The following BRS3 variants were observed in gnomAD, a reference collection of about 807,000 sequenced individuals.
BRS3 encodes the protein bombesin receptor subtype-3.
Under a neutral mutation model 18.8 loss-of-function variants are expected in BRS3, and 5 were observed. That is an observed-to-expected ratio of 0.27 (90% CI 0.14 to 0.56). The LOEUF is 0.56. Among genes scored for constraint, BRS3 ranks in the 20% least tolerant of loss-of-function variants. The pLI, the probability that BRS3 is intolerant of heterozygous loss-of-function variation, is 0.93. For missense variants in BRS3, 215 were observed against 296.3 expected (o/e 0.73, Z 2.01); for synonymous variants, 121 against 115.0 (o/e 1.05, Z -0.33).
rs1031740646 is a variant in BRS3, at chrX:136,492,272, C to A, written c.1097C>A (p.Ala366Asp). ...GCTGACACCTCTCTTACCACCCTGG[C>A]TGTGATGGGAACGGTCCCGGGCACT... ...PVADTSLTTL[A>D]VMGTVPGTGS... The change falls in exon 3 of 3, where the codon GCT becomes GAT. Residue 366 changes from alanine to aspartate, a missense_variant. Around this residue, in one of 3 missense-constraint regions of BRS3, gnomAD observed 45 missense variants for 45.5 expected, o/e 0.99. Coordinates refer to ENST00000370648, the MANE Select transcript of BRS3 (RefSeq NM_001727.2). 1.7e-6 allele frequency: 2 copies of A among 1,211,686 alleles called. No individual in the cohort carries two copies. Among genetic ancestry groups the A allele is most frequent in the Non-Finnish European group, 2.2e-6 (2 of 895,505 alleles).
chrX:136,493,526 T>C lies in BRS3; in HGVS notation c.*1151T>C, dbSNP rs994694515. The C allele has an allele frequency of 3.6e-5, 4 of 111,989 alleles. No individual in the cohort carries two copies. The highest frequency in any genetic ancestry group is 9.7e-5 in the African/African-American group (3 of 30,799). 9.2% of individuals were successfully genotyped at this position (111,989 alleles called of 1,213,427 possible). On this transcript the variant is annotated 3_prime_UTR_variant, in exon 3 of 3. Transcript: ENST00000370648. ...ACATGTTTGGCACTATAGGTAAATT[T>C]GTATTTAAAAAAAAAAACAATGTTT...
chrX:136,492,455 T>G lies in BRS3; in HGVS notation c.*80T>G, dbSNP rs2075674187. On this transcript the variant is annotated 3_prime_UTR_variant, in exon 3 of 3. Transcript: ENST00000370648. Reference sequence around the variant, plus strand: ...TGTGTGCAGGTGTATGGTGTCCAGATTTTTGTTGTTTGAAAAGTGTGTTGA... The same window carrying G: ...TGTGTGCAGGTGTATGGTGTCCAGAGTTTTGTTGTTTGAAAAGTGTGTTGA... 1 of 1,022,710 alleles carries G rather than the reference T, an allele frequency of 9.8e-7. No individual in the cohort carries two copies. The highest frequency in any genetic ancestry group is 1.9e-5 in the African/African-American group (1 of 52,662). 84.3% of individuals were successfully genotyped at this position (1,022,710 alleles called of 1,213,427 possible). A position where few individuals can be genotyped will look rare whatever the true frequency, so the allele number is the denominator to read the frequency against.
rs754593042 is a variant in BRS3, at chrX:136,491,913, G to GTTT, written c.787-25_787-23dup. On this transcript the variant is annotated intron_variant, in intron 2 of 2. Transcript: ENST00000370648. ...TTTTTTTGTTGTTGTTGTTTTTTGT[G>GTTT]TTTTTTTTTTTTTTTTTTTTTTTTT... The GTTT allele has an allele frequency of 1.7e-3, 760 of 436,394 alleles. 67 individuals carry two copies. The highest frequency in any genetic ancestry group is 4.5e-3 in the African/African-American group (55 of 12,343). The allele number at this position is 436,394 out of a possible 1,213,427, so 36.0% of individuals were successfully genotyped here.
In BRS3 at chrX:136,491,913, G is replaced by GTGTTTTTTTTTTTTTT. The variant is rs773324636; in HGVS notation, c.787-48_787-47insGTTTTTTTTTTTTTTT. Reference sequence around the variant, plus strand: ...TTTTTTTGTTGTTGTTGTTTTTTGTGTTTTTTTTTTTTTTTTTTTTTTTTT... The same window carrying GTGTTTTTTTTTTTTTT: ...TTTTTTTGTTGTTGTTGTTTTTTGTGTGTTTTTTTTTTTTTTTTTTTTTTTTTTTTTTTTTTTTTTT... On this transcript the variant is annotated intron_variant, in intron 2 of 2. Transcript: ENST00000370648. The GTGTTTTTTTTTTTTTT allele has an allele frequency of 1.1e-5, 5 of 436,962 alleles. No homozygotes were observed. In the African/African-American group the frequency reaches 2.4e-4, roughly 21 times the overall value. 36.0% of individuals were successfully genotyped at this position (436,962 alleles called of 1,213,427 possible).
Position 136,490,005 on chromosome X carries a change from A to G in BRS3, c.435-128A>G, listed in dbSNP as rs941395037. ...AAACCATAGCCAATTCTAGTTGGTT[A>G]ATGTTGACTTGGTTATACACATATG... On this transcript the variant is annotated intron_variant, in intron 1 of 2. Coordinates refer to ENST00000370648, the MANE Select transcript of BRS3 (RefSeq NM_001727.2). The G allele has an allele frequency of 3.8e-5, 17 of 447,528 alleles. No homozygotes were observed. In the African/African-American group the frequency reaches 3.9e-4, roughly 10 times the overall value. The allele number at this position is 447,528 out of a possible 1,213,427, so 36.9% of individuals were successfully genotyped here.
At chrX:136,491,902 TTGTTTTTTG>T (rs1569351025) in intron 2 of BRS3, 51 bp from the exon 3 acceptor site, 1 of 872,506 alleles carries the variant, frequency 1.1e-6, no homozygotes, top group African/African-American at 2.4e-5. Flanking sequence ...TTTGTTGTTG[TTGTTTTTTG>T]TGTTTTTTTT....
Position 136,488,107 on chromosome X carries a change from C to T in BRS3, c.-8C>T, listed in dbSNP as rs1261613560. On this transcript the variant is annotated 5_prime_UTR_variant, in exon 1 of 3. Coordinates refer to ENST00000370648, the MANE Select transcript of BRS3 (RefSeq NM_001727.2). ...GAAGAAATATTAAAGACACAGTCTT[C>T]AGAAGAAATGGCTCAAAGGCAGCCT... The T allele has an allele frequency of 3.4e-6, 4 of 1,183,398 alleles. No individual in the cohort carries two copies. Among genetic ancestry groups the T allele is most frequent in the Non-Finnish European group, 4.5e-6 (4 of 881,831 alleles).
chrX:136,491,818 A>T, intron 2 of BRS3, 144 bp from the exon 3 acceptor site: 1 of 669,557 alleles, frequency 1.5e-6, no homozygotes, highest in Non-Finnish European at 2.1e-6. Context: ...AATCAGCTGT[A>T]ATTAACTGTA....
chrX:136,489,361 G>A (rs917327367), intron 1 of BRS3, among the ~76,000 whole-genome samples: 1 of 111,877 alleles, frequency 8.9e-6, no homozygotes, highest in Non-Finnish European at 1.9e-5. Context: ...GTAAGTAATC[G>A]ATGTTTGGCA....
At chrX:136,490,896 G>A (rs963813479) in intron 2 of BRS3, among the ~76,000 whole-genome samples, 1 of 112,248 alleles carries the variant, frequency 8.9e-6, no homozygotes, top group Non-Finnish European at 1.9e-5. Flanking sequence ...AGCATCTTTT[G>A]TTTTAGAAAG....
intron 1 of BRS3, among the ~76,000 whole-genome samples, chrX:136,489,298 A>G (rs1047214972): frequency 8.9e-6 from 1 of 111,771 alleles, no homozygotes; most frequent in African/African-American, 3.3e-5. Context: ...ACATGAAAAA[A>G]TTTGAGGCTC....
At position 136,488,007 on chromosome X, in the gene BRS3, T is replaced by C. The variant is rs183662695; in HGVS notation, c.-108T>C. On this transcript the variant is annotated 5_prime_UTR_variant, in exon 1 of 3. Transcript: ENST00000370648. ...TGGATTTTCTTCCCATTCTGTTCTG[T>C]TCTGTTCTCCTAATACCATCTCGTT... 2.8e-5 allele frequency: 21 copies of C among 760,066 alleles called. No homozygotes were observed. The highest frequency in any genetic ancestry group is 7.3e-5 in the Admixed American group (2 of 27,523). The allele number at this position is 760,066 out of a possible 1,213,427, so 62.6% of individuals were successfully genotyped here. A position where few individuals can be genotyped will look rare whatever the true frequency, so the allele number is the denominator to read the frequency against.
intron 2 of BRS3, among the ~76,000 whole-genome samples, chrX:136,490,956 C>T (rs775782689): frequency 1.8e-5 from 2 of 111,623 alleles, no homozygotes; most frequent in African/African-American, 6.5e-5. Flanking sequence ...GAATCCGTAA[C>T]ACTATTCAAT....
At chrX:136,488,763 C>A (rs761204082) in intron 1 of BRS3, among the ~76,000 whole-genome samples, 3 of 112,183 alleles carry the variant, frequency 2.7e-5, no homozygotes, top group Non-Finnish European at 3.8e-5. Flanking sequence ...AAATTGCATG[C>A]TTTATGGATA....
chrX:136,492,449 T>C lies in BRS3; in HGVS notation c.*74T>C. The stretch of plus-strand genomic sequence containing the variant: ...CTAAGCTGTGTGCAGGTGTATGGTG[T>C]CCAGATTTTTGTTGTTTGAAAAGTG... On this transcript the variant is annotated 3_prime_UTR_variant, in exon 3 of 3. Transcript: ENST00000370648. 2.9e-6 allele frequency: 3 copies of C among 1,049,017 alleles called. No homozygotes were observed. The highest frequency in any genetic ancestry group is 3.8e-6 in the Non-Finnish European group (3 of 794,152). The allele number at this position is 1,049,017 out of a possible 1,213,427, so 86.5% of individuals were successfully genotyped here.
chrX:136,492,036 T>C lies in BRS3; in HGVS notation c.861T>C (p.Asn287=). The change falls in exon 3 of 3, where the codon AAT becomes AAC. Residue 287 remains asparagine (N), a synonymous_variant. Coordinates refer to ENST00000370648, the MANE Select transcript of BRS3 (RefSeq NM_001727.2). The stretch of plus-strand genomic sequence containing the variant: ...TGTTTGCCCTCTGCTGGTTGCCAAA[T>C]CACCTCCTGTACCTCTACCATTCAT... ...VALFALCWLP[N]HLLYLYHSFT... is the part of the protein sequence containing the mutation. The C allele has an allele frequency of 8.6e-7, 1 of 1,161,218 alleles. No individual in the cohort carries two copies. Among genetic ancestry groups the C allele is most frequent in the Non-Finnish European group, 1.2e-6 (1 of 864,790 alleles).
At chrX:136,489,984 C>A in intron 1 of BRS3, 149 bp from the exon 2 acceptor site, 1 of 404,172 alleles carries the variant, frequency 2.5e-6, no homozygotes, top group Non-Finnish European at 4.2e-6. Context: ...CATTTAAAAC[C>A]ATAGCCAATT....
intron 2 of BRS3, among the ~76,000 whole-genome samples, chrX:136,491,513 G>C (rs907126061): frequency 8.9e-6 from 1 of 112,606 alleles, no homozygotes; most frequent in Non-Finnish European, 1.9e-5. Context: ...AACTTTCATA[G>C]ACCTCAAAAC....
Position 136,488,566 on chromosome X carries a change from A to G in BRS3, c.434+18A>G, listed in dbSNP as rs781252509. ...GCTGACAGGTGAGTTTCTTTTCTCCATTATATTTGCCAGGATGTGAAATTG... is the reference window on the plus strand; with the variant it reads ...GCTGACAGGTGAGTTTCTTTTCTCCGTTATATTTGCCAGGATGTGAAATTG... On this transcript the variant is annotated intron_variant, in intron 1 of 2. Transcript: ENST00000370648. The G allele has an allele frequency of 8.5e-7, 1 of 1,177,764 alleles. No homozygotes were observed. Among genetic ancestry groups the G allele is most frequent in the Non-Finnish European group, 1.1e-6 (1 of 878,570 alleles).
Sources: allele counts gnomAD v4.1 joint callset (sites outside exome capture counted in the v4.1 genomes callset), GRCh38; gene constraint gnomAD v4.1.1; regional missense constraint gnomAD v4.1.1; transcripts MANE v1.5; gene names NCBI Gene and HGNC (gene_info 2026-07-23, HGNC 2026-07-21).